The following MAD1L1 variants were observed in gnomAD, a reference collection of about 807,000 sequenced individuals.
The protein encoded by MAD1L1 is mitotic spindle assembly checkpoint protein MAD1.
MAD1L1 carries 95 observed loss-of-function variants against 96.9 expected under a neutral mutation model. The observed-to-expected ratio is 0.98, with a 90% CI of 0.83 to 1.16. The LOEUF is 1.16. Among genes scored for constraint, MAD1L1 ranks in the 50% most tolerant of loss-of-function variants. The probability of loss-of-function intolerance (pLI) is 0.00; values close to 1 mark genes in which losing one functional copy is unlikely to be tolerated. For missense variants in MAD1L1, 1,007 were observed against 954.4 expected (o/e 1.06, Z -0.73); for synonymous variants, 473 against 396.6 (o/e 1.19, Z -2.29).
intron 10 of MAD1L1, among the ~76,000 whole-genome samples, chr7:2,155,388 A>G (rs546176619): frequency 4.6e-5 from 7 of 152,332 alleles, no homozygotes; most frequent in African/African-American, 1.7e-4. Context: ...TATTCATGTT[A>G]TTGGGCAACC....
chr7:1,909,298 G>C (rs1459930337), intron 17 of MAD1L1, among the ~76,000 whole-genome samples: 2 of 152,230 alleles, frequency 1.3e-5, no homozygotes, highest in African/African-American at 4.8e-5. Flanking sequence ...GCCCTGGCAG[G>C]CACTGGCAGC....
chr7:1,997,165 T>C (rs965275542), intron 14 of MAD1L1, among the ~76,000 whole-genome samples: 2 of 152,264 alleles, frequency 1.3e-5, no homozygotes, highest in African/African-American at 4.8e-5. Flanking sequence ...GTCTTGTCAT[T>C]GGCAATTAAC....
rs766036875 is a variant in MAD1L1, at chr7:2,228,396, T to C, written c.150+1588A>G. ...GCCTCAGCCTCCCGAGTAGGTGGGA[T>C]TACAGGTGCCCACACCCGCCTAATT... On this transcript the variant is annotated intron_variant, in intron 3 of 18. Coordinates refer to ENST00000265854, the MANE Select transcript of MAD1L1 (RefSeq NM_001013836.2). 1.2e-4 allele frequency among the ~76,000 whole-genome samples: 18 copies of C among 151,536 alleles called. 1 individual carries two copies. Among genetic ancestry groups the C allele is most frequent in the Non-Finnish European group, 4.4e-5 (3 of 67,824 alleles).
At chr7:2,220,991 A>G (rs1394437319) in intron 5 of MAD1L1, 4 of 1,612,490 alleles carry the variant, frequency 2.5e-6, no homozygotes, top group Non-Finnish European at 2.5e-6. Context: ...GCATAAGATA[A>G]TTCCAGAGTA....
At chr7:2,112,787 TG>T (rs1345820393) in intron 11 of MAD1L1, among the ~76,000 whole-genome samples, 2 of 150,002 alleles carry the variant, frequency 1.3e-5, no homozygotes, top group Non-Finnish European at 3.0e-5. Flanking sequence ...CAGGGCTCAC[TG>T]GGAAAGTGGC....
chr7:1,900,611 C>G (rs769839778), intron 17 of MAD1L1, among the ~76,000 whole-genome samples: 2 of 152,120 alleles, frequency 1.3e-5, no homozygotes, highest in Admixed American at 1.3e-4. Flanking sequence ...CTGATCCTCC[C>G]GAAGATGGGG....
chr7:1,910,927 G>A (rs1787974749), intron 17 of MAD1L1, among the ~76,000 whole-genome samples: 1 of 152,216 alleles, frequency 6.6e-6, no homozygotes, highest in African/African-American at 2.4e-5. Flanking sequence ...GGGCCACAGT[G>A]TCTCTCTCCT....
intron 17 of MAD1L1, among the ~76,000 whole-genome samples, chr7:1,902,560 A>G (rs1225846364): frequency 6.6e-6 from 1 of 152,246 alleles, no homozygotes; most frequent in Non-Finnish European, 1.5e-5. Context: ...AAAGGTACCG[A>G]CGGATCTTAG....
At chr7:2,225,847 G>C (rs966582073) in intron 3 of MAD1L1, among the ~76,000 whole-genome samples, 8 of 152,240 alleles carry the variant, frequency 5.3e-5, no homozygotes, top group Non-Finnish European at 7.3e-5. Flanking sequence ...CCGTGGGTCG[G>C]AAGTCCAGAC....
At chr7:2,126,071 G>A (rs1439147902) in intron 11 of MAD1L1, among the ~76,000 whole-genome samples, 3 of 152,194 alleles carry the variant, frequency 2.0e-5, no homozygotes, top group South Asian at 2.1e-4. Context: ...CAGTGGACTC[G>A]GGGACAGACC....
At chr7:1,915,369 G>C (rs1318650643) in intron 17 of MAD1L1, among the ~76,000 whole-genome samples, 1 of 152,220 alleles carries the variant, frequency 6.6e-6, no homozygotes, top group South Asian at 2.1e-4. Context: ...GCACCTGGCT[G>C]GGAAGGAGAC....
At chr7:2,193,049 G>C (rs1300846980) in intron 10 of MAD1L1, among the ~76,000 whole-genome samples, 1 of 152,190 alleles carries the variant, frequency 6.6e-6, no homozygotes, top group East Asian at 1.9e-4. Context: ...TTTTGATGGA[G>C]ACAAAAGCAA....
At chr7:2,132,073 C>T (rs1299654331) in intron 11 of MAD1L1, among the ~76,000 whole-genome samples, 1 of 152,194 alleles carries the variant, frequency 6.6e-6, no homozygotes, top group Non-Finnish European at 1.5e-5. Context: ...GGAAGCTGGC[C>T]CCAACTGCAT....
chr7:1,901,327 G>A (rs117421695), intron 17 of MAD1L1, among the ~76,000 whole-genome samples: 431 of 152,324 alleles, frequency 2.8e-3, no homozygotes, highest in Admixed American at 9.5e-3. Context: ...TTGCTCTCAC[G>A]TGGTCTCCTC....
chr7:2,011,844 G>A (rs1316607389), intron 13 of MAD1L1, among the ~76,000 whole-genome samples: 1 of 152,194 alleles, frequency 6.6e-6, no homozygotes, highest in African/African-American at 2.4e-5. Context: ...AGTGCAGCGG[G>A]GTCCTGGGGG....
At chr7:1,974,754 CGGA>C (rs1358321747) in intron 15 of MAD1L1, among the ~76,000 whole-genome samples, 1 of 152,208 alleles carries the variant, frequency 6.6e-6, no homozygotes, top group Non-Finnish European at 1.5e-5. Context: ...CTCTCAAGAG[CGGA>C]AGGGCGTGAG....
At chr7:2,144,963 G>A (rs1437689790) in intron 11 of MAD1L1, among the ~76,000 whole-genome samples, 4 of 152,122 alleles carry the variant, frequency 2.6e-5, no homozygotes, top group Non-Finnish European at 2.9e-5. Context: ...ATCTGTCCAC[G>A]GCTAAAGGAA....
chr7:2,048,746 G>C (rs537777080), intron 12 of MAD1L1, among the ~76,000 whole-genome samples: 3 of 152,176 alleles, frequency 2.0e-5, no homozygotes, highest in Non-Finnish European at 2.9e-5. Context: ...GGAGCCTCCC[G>C]AGCCTGGCTG....
intron 10 of MAD1L1, among the ~76,000 whole-genome samples, chr7:2,203,498 A>G (rs1395443868): frequency 6.6e-6 from 1 of 152,226 alleles, no homozygotes; most frequent in Non-Finnish European, 1.5e-5. Context: ...CTTTTGAACT[A>G]AAAATCATCC....
Sources: allele counts gnomAD v4.1 joint callset (sites outside exome capture counted in the v4.1 genomes callset), GRCh38; gene constraint gnomAD v4.1.1; transcripts MANE v1.5; gene names NCBI Gene and HGNC (gene_info 2026-07-23, HGNC 2026-07-21).